Variants in ZC3H12B observed in about 807,000 individuals in gnomAD.
ZC3H12B encodes probable ribonuclease ZC3H12B.
In ZC3H12B, 7 loss-of-function variants were observed where a neutral mutation model predicts 43.9. The ratio of observed to expected loss-of-function variants is 0.16; its 90% confidence interval spans 0.09 to 0.30. The LOEUF is 0.30. Among genes scored for constraint, ZC3H12B ranks in the 10% least tolerant of loss-of-function variants. The probability of loss-of-function intolerance (pLI) is 1.00; values close to 1 mark genes in which losing one functional copy is unlikely to be tolerated. For missense variants in ZC3H12B, 475 were observed against 670.2 expected (o/e 0.71, Z 3.22); for synonymous variants, 222 against 241.7 (o/e 0.92, Z 0.76).
chrX:65,388,672 C>G (rs761006729), intron 2 of ZC3H12B, among the ~76,000 whole-genome samples: 1 of 112,013 alleles, frequency 8.9e-6, no homozygotes, highest in African/African-American at 3.2e-5. Context: ...CGGGTTTGTT[C>G]CATTGCTGGT....
chrX:65,044,220 A>C, the ZC3H12B span, among the ~76,000 whole-genome samples: 1 of 111,915 alleles, frequency 8.9e-6, no homozygotes, highest in Non-Finnish European at 1.9e-5. Context: ...TGAATGAAGC[A>C]AGGGCGTAGG....
intron 1 of ZC3H12B, among the ~76,000 whole-genome samples, chrX:65,491,453 T>C (rs1406118429): frequency 1.8e-5 from 2 of 111,099 alleles, no homozygotes; most frequent in South Asian, 3.8e-4. Context: ...ACACCTATAA[T>C]CCCGACACAT....
At chrX:65,458,203 G>T (rs1344389935) in intron 3 of ZC3H12B, among the ~76,000 whole-genome samples, 1 of 108,284 alleles carries the variant, frequency 9.2e-6, no homozygotes, top group Non-Finnish European at 1.9e-5. Flanking sequence ...ACCCAGATTC[G>T]TAAAGCAAGT....
At chrX:65,421,679 G>A (rs763980720) in intron 3 of ZC3H12B, among the ~76,000 whole-genome samples, 1 of 112,236 alleles carries the variant, frequency 8.9e-6, no homozygotes, top group African/African-American at 3.2e-5. Flanking sequence ...GTGCAGCAAC[G>A]GGCCAGGTGC....
the ZC3H12B span, among the ~76,000 whole-genome samples, chrX:65,114,421 G>A: frequency 9.1e-6 from 1 of 110,201 alleles, no homozygotes; most frequent in African/African-American, 3.3e-5. Flanking sequence ...TTTCTCTAGA[G>A]TTCTAGAGCT....
intron 3 of ZC3H12B, among the ~76,000 whole-genome samples, chrX:65,466,268 A>G (rs2067816310): frequency 9.0e-6 from 1 of 110,669 alleles, no homozygotes; most frequent in Non-Finnish European, 1.9e-5. Context: ...ATTTTTCTAC[A>G]TCTTGCTTAT....
the ZC3H12B span, among the ~76,000 whole-genome samples, chrX:65,303,870 A>G: frequency 8.9e-6 from 1 of 112,644 alleles, no homozygotes; most frequent in Non-Finnish European, 1.9e-5. Context: ...ATTGTGAAAC[A>G]TTGCTGACAG....
chrX:65,065,148 G>A, the ZC3H12B span, among the ~76,000 whole-genome samples: 1 of 110,129 alleles, frequency 9.1e-6, no homozygotes, highest in Non-Finnish European at 1.9e-5. Context: ...TACTTTTAAG[G>A]TCAATATTGT....
chrX:65,196,448 C>G, the ZC3H12B span, among the ~76,000 whole-genome samples: 1 of 111,127 alleles, frequency 9.0e-6, no homozygotes, highest in Non-Finnish European at 1.9e-5. Flanking sequence ...CATGGGACAA[C>G]AGTTATTAGC....
At chrX:65,484,340 C>A (rs1247378909), upstream of ZC3H12B, among the ~76,000 whole-genome samples, 2 of 111,563 alleles carry the variant, frequency 1.8e-5, no homozygotes, top group Admixed American at 1.9e-4. Context: ...GCACATGTAG[C>A]CCTGAACTTA....
At chrX:65,126,797 C>G in the ZC3H12B span, among the ~76,000 whole-genome samples, 477 of 105,972 alleles carry the variant, frequency 4.5e-3, 4 homozygotes, top group African/African-American at 0.016. Flanking sequence ...CTGAGACTTT[C>G]CAACATATTT....
At chrX:65,049,677 T>A in the ZC3H12B span, among the ~76,000 whole-genome samples, 1 of 111,587 alleles carries the variant, frequency 9.0e-6, no homozygotes, top group Non-Finnish European at 1.9e-5. Flanking sequence ...TCTATGTGAA[T>A]TTTAGGATTG....
At chrX:65,166,596 T>C in the ZC3H12B span, among the ~76,000 whole-genome samples, 2 of 111,931 alleles carry the variant, frequency 1.8e-5, no homozygotes, top group African/African-American at 6.5e-5. Flanking sequence ...TATTTCTAGT[T>C]CTAGATCCTT....
At chrX:65,161,805 A>T in the ZC3H12B span, among the ~76,000 whole-genome samples, 1 of 111,474 alleles carries the variant, frequency 9.0e-6, no homozygotes, top group Admixed American at 9.6e-5. Context: ...TCTTGTCATT[A>T]TGGTGTTAGT....
the ZC3H12B span, among the ~76,000 whole-genome samples, chrX:65,083,146 G>A: frequency 2.7e-5 from 3 of 111,178 alleles, no homozygotes; most frequent in East Asian, 8.5e-4. Context: ...CAGACCCACA[G>A]CTGGTTTCAT....
chrX:65,265,822 G>T, the ZC3H12B span, among the ~76,000 whole-genome samples: 8 of 111,932 alleles, frequency 7.1e-5, no homozygotes, highest in Admixed American at 5.7e-4. Flanking sequence ...CCAGCAGGGA[G>T]AGGGGAATAA....
the ZC3H12B span, among the ~76,000 whole-genome samples, chrX:65,189,228 G>C: frequency 7.7e-5 from 8 of 103,568 alleles, no homozygotes; most frequent in African/African-American, 1.5e-4. Flanking sequence ...CCAAGTCTTT[G>C]CTATTGTGAA....
chrX:65,506,428 A>C (rs763639095), exon 5 of ZC3H12B: 2 of 112,107 alleles, frequency 1.8e-5, no homozygotes, highest in Non-Finnish European at 3.8e-5. Flanking sequence ...TGTAATTATA[A>C]AACAGCAAAT....
At chrX:65,132,062 A>T in the ZC3H12B span, among the ~76,000 whole-genome samples, 1 of 111,744 alleles carries the variant, frequency 8.9e-6, no homozygotes, top group Non-Finnish European at 1.9e-5. Flanking sequence ...GATGGGTGTC[A>T]GGGTCAGTCC....
Sources: allele counts gnomAD v4.1 joint callset (sites outside exome capture counted in the v4.1 genomes callset), GRCh38; gene constraint gnomAD v4.1.1; transcripts MANE v1.5; gene names NCBI Gene and HGNC (gene_info 2026-07-23, HGNC 2026-07-21).